PLA2G4C: variants seen among roughly 807,000 people sequenced by gnomAD.
PLA2G4C encodes the protein phospholipase A2 group IVC, also known as cytosolic phospholipase A2 gamma.
PLA2G4C carries 64 observed loss-of-function variants against 73.8 expected under a neutral mutation model. The ratio of observed to expected loss-of-function variants is 0.87; its 90% CI spans 0.71 to 1.07. PLA2G4C has a LOEUF of 1.07. Among genes scored for constraint, PLA2G4C ranks in the 50% least tolerant of loss-of-function variants. PLA2G4C has a pLI of 0.00. For synonymous variants in PLA2G4C, 254 were observed against 252.1 expected, an observed-to-expected ratio of 1.01 and a Z score of -0.07; for missense variants, 622 against 665.4, an observed-to-expected ratio of 0.93 and a Z score of 0.72.
chr19:48,105,400 G>A lies in PLA2G4C; in HGVS notation c.53C>T (p.Ala18Val), dbSNP rs753212492. The A allele has an allele frequency of 3.2e-5, 52 of 1,613,776 alleles. 1 individual carries two copies. The East Asian group carries it at 6.9e-4, about 21-fold the overall frequency. The change falls in exon 3 of 17, where the codon GCG (alanine) becomes GTG (valine). Residue 18 changes from alanine to valine, a missense_variant. By Grantham distance (64) the Ala-to-Val change is moderately conservative. Coordinates refer to ENST00000599921, the MANE Select transcript of PLA2G4C (RefSeq NM_003706.3). ...ATGAAGTCTTCGTCTCTCCACGGCC[G>A]CCTTTTCTTCTTTCTGGAGCCCAGG... ...IIPGLQKEEKAAVERRRLHVL... is the reference protein window; with the variant it reads ...IIPGLQKEEKVAVERRRLHVL...
At chr19:48,105,685 C>T (rs1026890328) in intron 2 of PLA2G4C, among the ~76,000 whole-genome samples, 8 of 151,790 alleles carry the variant, frequency 5.3e-5, no homozygotes, top group Admixed American at 2.0e-4. Flanking sequence ...TGGGGCCAGA[C>T]GCGGTGGCTC....
chr19:48,088,264 A>G (rs1327700573), intron 9 of PLA2G4C, among the ~76,000 whole-genome samples: 2 of 151,852 alleles, frequency 1.3e-5, no homozygotes, highest in African/African-American at 4.8e-5. Flanking sequence ...TCACACGAAG[A>G]CTCCCTATAT....
At chr19:48,054,829 G>A in intron 15 of PLA2G4C, 49 bp downstream of exon 15, 2 of 1,520,074 alleles carry the variant, frequency 1.3e-6, no homozygotes, top group Non-Finnish European at 1.8e-6. Context: ...AGCAGTGTGA[G>A]CATGGACTAA....
chr19:48,070,173 A>G (rs971511052), intron 12 of PLA2G4C, among the ~76,000 whole-genome samples: 2 of 152,222 alleles, frequency 1.3e-5, no homozygotes, highest in Non-Finnish European at 2.9e-5. Flanking sequence ...GCCTGCCTAT[A>G]GCACTTAGGA....
intron 10 of PLA2G4C, among the ~76,000 whole-genome samples, chr19:48,079,790 A>G (rs2030422957): frequency 6.6e-6 from 1 of 152,198 alleles, no homozygotes; most frequent in Non-Finnish European, 1.5e-5. Context: ...ACGAAACCCC[A>G]TCTCTATTAA....
At chr19:48,063,611 C>T (rs933376110) in intron 13 of PLA2G4C, among the ~76,000 whole-genome samples, 16 of 142,370 alleles carry the variant, frequency 1.1e-4, no homozygotes, top group Non-Finnish European at 2.1e-4. Flanking sequence ...CCTACCCCCC[C>T]ACAACACCAC....
intron 16 of PLA2G4C, among the ~76,000 whole-genome samples, chr19:48,049,107 C>T (rs562595613): frequency 1.9e-4 from 29 of 152,130 alleles, no homozygotes; most frequent in African/African-American, 3.1e-4. Context: ...TAGATACAGG[C>T]GCCATGCTTC....
Position 48,074,753 on chromosome 19 carries a change from A to C in PLA2G4C, c.1006+14T>G. 6.4e-7 allele frequency: 1 copy of C among 1,570,178 alleles called. No homozygotes were observed. Among genetic ancestry groups the C allele is most frequent in the Non-Finnish European group, 8.8e-7 (1 of 1,140,104 alleles). Reference sequence around the variant, plus strand: ...ACTTACTGTTGATGACACTTATCACACTACACATGGTACCTTTCCTTTCGG... The same window carrying C: ...ACTTACTGTTGATGACACTTATCACCCTACACATGGTACCTTTCCTTTCGG... On this transcript the variant is annotated intron_variant, in intron 12 of 16. Coordinates refer to ENST00000599921, the MANE Select transcript of PLA2G4C (RefSeq NM_003706.3).
intron 4 of PLA2G4C, 197 bp from the exon 5 acceptor site, chr19:48,100,057 G>C: frequency 2.0e-6 from 1 of 487,942 alleles, no homozygotes; most frequent in East Asian, 3.4e-5. Context: ...AAAATCATCT[G>C]GGACAATCCT....
chr19:48,070,845 G>A (rs952833026), intron 12 of PLA2G4C, among the ~76,000 whole-genome samples: 13 of 152,234 alleles, frequency 8.5e-5, no homozygotes, highest in South Asian at 8.3e-4. Context: ...CATGGCATAC[G>A]TTTACCTGGG....
chr19:48,098,173 G>A lies in PLA2G4C; in HGVS notation c.534C>T (p.Asp178=), dbSNP rs2122666990. ...TTGCCTCCTGCCAGGAAGGTTGCAG[G>A]TCATTGTCAATGGCTGCAAATATTG... The part of the protein sequence containing the change: ...PYPIFAAIDN[D]LQPSWQEARA... Residue 178 remains aspartate, a synonymous_variant, in exon 6 of 17, where the codon GAC becomes GAT. Transcript: ENST00000599921. 1 of 1,613,750 alleles carries A rather than the reference G, an allele frequency of 6.2e-7. No individual in the cohort carries two copies. Among genetic ancestry groups the A allele is most frequent in the Non-Finnish European group, 8.5e-7 (1 of 1,179,840 alleles).
rs534093562 is a variant in PLA2G4C, at chr19:48,068,195, C to A, written c.1007-309G>T. 5.9e-4 allele frequency among the ~76,000 whole-genome samples: 89 copies of A among 151,002 alleles called. 1 individual carries two copies. Among genetic ancestry groups the A allele is most frequent in the African/African-American group, 1.8e-3 (73 of 40,982 alleles). On this transcript the variant is annotated intron_variant, in intron 12 of 16. Coordinates refer to ENST00000599921, the MANE Select transcript of PLA2G4C (RefSeq NM_003706.3). ...TGGCGCATGCCTGTAGTCCCAGCTA[C>A]TGGGGAGGCTGAGGCAGGAGAATCG...
intron 3 of PLA2G4C, 42 bp downstream of exon 3, chr19:48,105,291 C>T (rs11564523): frequency 0.12 from 172,104 of 1,380,648 alleles, 11,116 homozygotes; most frequent in African/African-American, 0.17. Context: ...ACAGAGGGGG[C>T]GATTCTGGGA....
At chr19:48,103,006 GA>G (rs2031992313) in intron 4 of PLA2G4C, among the ~76,000 whole-genome samples, 1 of 152,158 alleles carries the variant, frequency 6.6e-6, no homozygotes, top group Non-Finnish European at 1.5e-5. Flanking sequence ...ACAGCTCCAG[GA>G]ACTAACCCAA....
In PLA2G4C at chr19:48,072,927, A is replaced by G. The variant is rs943412378; in HGVS notation, c.1006+1840T>C. The G allele has an allele frequency of 1.3e-5, 2 of 152,252 alleles. No individual in the cohort carries two copies. Among genetic ancestry groups the G allele is most frequent in the African/African-American group, 4.8e-5 (2 of 41,442 alleles). 9.4% of individuals were successfully genotyped at this position (152,252 alleles called of 1,614,324 possible). ...AGACTGGCTGTACCTGGGTCATCTC[A>G]GGAAGGCAGTGGCTTCAGCGACCAA... On this transcript the variant is annotated intron_variant, in intron 12 of 16. Transcript: ENST00000599921. The surrounding 1 kb of genome is among the most constrained non-coding windows in gnomAD (Gnocchi z 4.4).
rs933376110 is a variant in PLA2G4C, at chr19:48,063,611, C to A, written c.1103-1459G>T. 2.7e-4 allele frequency among the ~76,000 whole-genome samples: 38 copies of A among 142,476 alleles called. No individual in the cohort carries two copies. The South Asian group carries it at 3.1e-3, about 12-fold the overall frequency. The allele number at this position is 142,476 out of a possible 152,430, so 93.5% of individuals were successfully genotyped here. ...ACACCCTCCCCAACTCCTACCCCCC[C>A]ACAACACCACCCCAACCATCTGAAT... On this transcript the variant is annotated intron_variant, in intron 13 of 16. Transcript: ENST00000599921.
intron 16 of PLA2G4C, 177 bp downstream of exon 16, chr19:48,052,820 C>A: frequency 1.9e-6 from 1 of 527,502 alleles, no homozygotes; most frequent in Non-Finnish European, 3.2e-6. Context: ...TTCAGAAAAC[C>A]ATTCACTCCT....
At chr19:48,080,593 G>A (rs187600874) in intron 10 of PLA2G4C, among the ~76,000 whole-genome samples, 83 of 152,188 alleles carry the variant, frequency 5.5e-4, no homozygotes, top group Admixed American at 9.8e-4. Flanking sequence ...GAGATCACTC[G>A]AGGTCAGGCG....
intron 13 of PLA2G4C, among the ~76,000 whole-genome samples, chr19:48,064,289 C>T (rs939835918): frequency 6.6e-6 from 1 of 151,902 alleles, no homozygotes; most frequent in Non-Finnish European, 1.5e-5. Context: ...ATTAGCCAGG[C>T]GTGGTGGCAC....
Sources: allele counts gnomAD v4.1 joint callset (sites outside exome capture counted in the v4.1 genomes callset), GRCh38; gene constraint gnomAD v4.1.1; non-coding constraint Gnocchi (gnomAD v3.1); transcripts MANE v1.5; gene names NCBI Gene and HGNC (gene_info 2026-07-23, HGNC 2026-07-21).